The following HNMT variants were observed in gnomAD, a reference collection of about 807,000 sequenced individuals.
HNMT encodes histamine N-methyltransferase.
HNMT carries 30 observed loss-of-function variants against 32.1 expected under a neutral mutation model. That is an observed-to-expected ratio of 0.93 (90% CI 0.70 to 1.27). The LOEUF is 1.27. HNMT is among the 50% of genes most tolerant of loss of function. The pLI is 0.00. For missense variants in HNMT, 327 were observed against 346.0 expected, an observed-to-expected ratio of 0.95 and a Z score of 0.43; for synonymous variants, 125 against 119.0, an observed-to-expected ratio of 1.05 and a Z score of -0.33.
At chr2:137,968,272 TC>T (rs1680020673) in intron 1 of HNMT, among the ~76,000 whole-genome samples, 1 of 152,212 alleles carries the variant, frequency 6.6e-6, no homozygotes, top group Non-Finnish European at 1.5e-5. Context: ...TAGTAAGTTT[TC>T]AATAATTATT....
In HNMT at chr2:138,015,002, A is replaced by G. The variant is rs1681620980; in HGVS notation, c.*872A>G. The G allele has an allele frequency of 6.6e-6, 1 of 152,008 alleles. No homozygotes were observed. The allele number at this position is 152,008 out of a possible 1,614,324, so 9.4% of individuals were successfully genotyped here. ...GAAGAACAAAGAAACACAAAACTAA[A>G]CCTGTTCTAGCTTAAAATGCAGCTT... is the stretch of plus-strand genomic sequence containing the variant. On this transcript the variant is annotated 3_prime_UTR_variant, in exon 6 of 6. Coordinates refer to ENST00000280097, the MANE Select transcript of HNMT (RefSeq NM_006895.3).
Position 137,972,057 on chromosome 2 carries a change from A to C in HNMT, c.190+1840A>C, listed in dbSNP as rs1156948075. 3.3e-5 allele frequency among the ~76,000 whole-genome samples: 5 copies of C among 152,198 alleles called. No individual in the cohort carries two copies. In the East Asian group the frequency reaches 9.7e-4, roughly 29 times the overall value. ...AACTGTGGCTCATATTAACACAAAGATAACTAAGAGCTCTCTAATGAAATG... is the reference window on the plus strand; with the variant it reads ...AACTGTGGCTCATATTAACACAAAGCTAACTAAGAGCTCTCTAATGAAATG... On this transcript the variant is annotated intron_variant, in intron 2 of 5. Transcript: ENST00000280097.
At chr2:138,001,331 G>A (rs1681163945) in intron 3 of HNMT, among the ~76,000 whole-genome samples, 1 of 152,220 alleles carries the variant, frequency 6.6e-6, no homozygotes, top group Admixed American at 6.5e-5. Flanking sequence ...ACCTTAAAGA[G>A]CTTATGTTTA....
At chr2:138,010,864 A>G (rs1681482217) in intron 5 of HNMT, among the ~76,000 whole-genome samples, 1 of 152,072 alleles carries the variant, frequency 6.6e-6, no homozygotes, top group Non-Finnish European at 1.5e-5. Flanking sequence ...TGTGATAGCC[A>G]AGCATCAATT....
At chr2:137,973,644 A>C (rs1247131393) in intron 2 of HNMT, among the ~76,000 whole-genome samples, 1 of 152,192 alleles carries the variant, frequency 6.6e-6, no homozygotes, top group Non-Finnish European at 1.5e-5. Flanking sequence ...GCTTTGGTGC[A>C]AATATTCTCT....
chr2:138,004,071 T>C (rs959926515), intron 4 of HNMT, among the ~76,000 whole-genome samples: 2 of 152,100 alleles, frequency 1.3e-5, no homozygotes, highest in African/African-American at 4.8e-5. Flanking sequence ...CACACTCTTA[T>C]GATACTTTTA....
chr2:138,005,704 A>T (rs576008661), intron 5 of HNMT, among the ~76,000 whole-genome samples: 1 of 152,088 alleles, frequency 6.6e-6, no homozygotes, highest in East Asian at 1.9e-4. Context: ...TCAAATGCCT[A>T]TCAAAAACAG....
intron 2 of HNMT, among the ~76,000 whole-genome samples, chr2:137,970,512 T>G (rs892449535): frequency 3.3e-5 from 5 of 152,310 alleles, no homozygotes; most frequent in South Asian, 2.1e-4. Flanking sequence ...ATGATTAAAA[T>G]ACTCACAGAA....
At chr2:137,993,826 C>A (rs1558961231) in intron 2 of HNMT, among the ~76,000 whole-genome samples, 1 of 152,024 alleles carries the variant, frequency 6.6e-6, no homozygotes, top group Non-Finnish European at 1.5e-5. Context: ...GACCTCTCAG[C>A]AGAAACTCTA....
chr2:137,994,308 G>T lies in HNMT; in HGVS notation c.191-6610G>T, dbSNP rs548015630. 3.3e-5 allele frequency among the ~76,000 whole-genome samples: 5 copies of T among 152,294 alleles called. No individual in the cohort carries two copies. The South Asian group carries it at 6.2e-4, about 19-fold the overall frequency. ...ATCTCATGTGCAAAGACATGCATAG[G>T]CTCAAAATAAGGGGATGGAGGAAAA... is the stretch of plus-strand genomic sequence containing the variant. On this transcript the variant is annotated intron_variant, in intron 2 of 5. Coordinates refer to ENST00000280097, the MANE Select transcript of HNMT (RefSeq NM_006895.3).
chr2:138,008,567 C>T (rs995804289), intron 5 of HNMT, among the ~76,000 whole-genome samples: 39 of 151,828 alleles, frequency 2.6e-4, no homozygotes, highest in African/African-American at 8.9e-4. Context: ...GGTACTGGTA[C>T]AAAAACAAGC....
At position 138,014,024 on chromosome 2, in the gene HNMT, T is replaced by C. The variant is rs1681589997; in HGVS notation, c.773T>C (p.Leu258Pro). 6.2e-7 allele frequency: 1 copy of C among 1,613,492 alleles called. No individual in the cohort carries two copies. Among genetic ancestry groups the C allele is most frequent in the Non-Finnish European group, 8.5e-7 (1 of 1,179,762 alleles). The part of the protein sequence containing the change: ...CNFNATAPPD[L>P]RAELGKDLQE... ...TTTAATGCCACAGCACCACCTGATCTCAGAGCAGAGCTTGGGAAAGATCTA... is the reference window on the plus strand; with the variant it reads ...TTTAATGCCACAGCACCACCTGATCCCAGAGCAGAGCTTGGGAAAGATCTA... Residue 258 changes from leucine to proline, a missense_variant, in exon 6 of 6, where the codon CTC (leucine) becomes CCC (proline). Coordinates refer to ENST00000280097, the MANE Select transcript of HNMT (RefSeq NM_006895.3).
intron 1 of HNMT, among the ~76,000 whole-genome samples, chr2:137,965,320 A>T (rs1410517867): frequency 6.6e-6 from 1 of 152,194 alleles, no homozygotes; most frequent in East Asian, 1.9e-4. Flanking sequence ...CCACATGCTA[A>T]AGATAATCAA....
chr2:138,011,101 A>C (rs778955936), intron 5 of HNMT, among the ~76,000 whole-genome samples: 3 of 152,040 alleles, frequency 2.0e-5, no homozygotes, highest in Non-Finnish European at 4.4e-5. Context: ...ATAATGCATT[A>C]GTCGGGAAGT....
intron 2 of HNMT, among the ~76,000 whole-genome samples, chr2:137,987,590 G>A (rs1378180034): frequency 7.1e-6 from 1 of 141,522 alleles, no homozygotes; most frequent in African/African-American, 2.6e-5. Context: ...AGTTAGAAAG[G>A]ACAATGGCCA....
chr2:138,013,434 C>T (rs945519937), intron 5 of HNMT, among the ~76,000 whole-genome samples: 6 of 152,102 alleles, frequency 3.9e-5, no homozygotes, highest in Non-Finnish European at 8.8e-5. Context: ...AGCTGCTCAT[C>T]TCTCTCCTGG....
intron 2 of HNMT, among the ~76,000 whole-genome samples, chr2:137,977,342 C>A (rs2104936622): frequency 6.6e-6 from 1 of 152,250 alleles, no homozygotes; most frequent in African/African-American, 2.4e-5. Context: ...TAAGTTTCCT[C>A]CTGACAGTCA....
At chr2:137,967,236 T>G in intron 1 of HNMT, 1 of 660,258 alleles carries the variant, frequency 1.5e-6, no homozygotes, top group Non-Finnish European at 2.7e-6. Flanking sequence ...CATAGCAAGA[T>G]CCCATCTCTA....
chr2:138,010,439 A>ACG (rs1553435873), intron 5 of HNMT, among the ~76,000 whole-genome samples: 29 of 96,004 alleles, frequency 3.0e-4, no homozygotes, highest in South Asian at 2.7e-3. Context: ...AAAAAGACAC[A>ACG]CGCACACACA....
Sources: allele counts gnomAD v4.1 joint callset (sites outside exome capture counted in the v4.1 genomes callset), GRCh38; gene constraint gnomAD v4.1.1; transcripts MANE v1.5; gene names NCBI Gene and HGNC (gene_info 2026-07-23, HGNC 2026-07-21).